TMEM132D: variants seen among roughly 807,000 people sequenced by gnomAD.
The protein encoded by TMEM132D is transmembrane protein 132D, also known as mature OL transmembrane protein.
Under a neutral mutation model 62.3 loss-of-function variants are expected in TMEM132D, and 21 were observed. The ratio of observed to expected loss-of-function variants is 0.34; its 90% CI spans 0.24 to 0.49. TMEM132D has a LOEUF of 0.49. Among genes scored for constraint, TMEM132D ranks in the 20% least tolerant of loss-of-function variants. TMEM132D has a pLI of 0.99. For missense variants in TMEM132D, 1,346 were observed against 1,402.8 expected (o/e 0.96, Z 0.65); for synonymous variants, 621 against 575.6 (o/e 1.08, Z -1.13).
intron 3 of TMEM132D, among the ~76,000 whole-genome samples, chr12:129,515,944 G>A (rs1302927072): frequency 6.6e-6 from 1 of 152,050 alleles, no homozygotes; most frequent in East Asian, 1.9e-4. Flanking sequence ...TTTTTTCATA[G>A]GGGTGTCAGC....
chr12:129,397,162 T>G (rs970836253), intron 3 of TMEM132D, among the ~76,000 whole-genome samples: 1 of 152,230 alleles, frequency 6.6e-6, no homozygotes, highest in Non-Finnish European at 1.5e-5. Flanking sequence ...GCCCATTTTC[T>G]ACCTTCAACA....
At chr12:129,276,369 T>G (rs1881008630) in intron 4 of TMEM132D, among the ~76,000 whole-genome samples, 1 of 152,198 alleles carries the variant, frequency 6.6e-6, no homozygotes, top group Admixed American at 6.5e-5. Context: ...GTGCCAATTT[T>G]TTTCTCAGAT....
At chr12:129,218,691 A>G (rs1017873783) in intron 4 of TMEM132D, among the ~76,000 whole-genome samples, 2 of 152,234 alleles carry the variant, frequency 1.3e-5, no homozygotes, top group Non-Finnish European at 2.9e-5. Flanking sequence ...TTGAGGTTTC[A>G]TTCTAAACTG....
chr12:129,681,873 C>T (rs543823310), intron 2 of TMEM132D, among the ~76,000 whole-genome samples: 1 of 152,202 alleles, frequency 6.6e-6, no homozygotes, highest in South Asian at 2.1e-4. Context: ...ATCTGTCTCA[C>T]TATTTAGCTG....
intron 3 of TMEM132D, among the ~76,000 whole-genome samples, chr12:129,472,808 G>A (rs1031394029): frequency 2.0e-5 from 3 of 152,242 alleles, no homozygotes; most frequent in East Asian, 1.9e-4. Context: ...CACATGCTAC[G>A]GAGAAATCTT....
chr12:129,690,811 G>T (rs1881045420), intron 2 of TMEM132D, among the ~76,000 whole-genome samples: 1 of 152,156 alleles, frequency 6.6e-6, no homozygotes, highest in African/African-American at 2.4e-5. Context: ...CAGTAAGGAT[G>T]TAGATGACCT....
chr12:129,374,990 AT>A (rs1195567438), intron 3 of TMEM132D, among the ~76,000 whole-genome samples: 1 of 152,130 alleles, frequency 6.6e-6, no homozygotes, highest in African/African-American at 2.4e-5. Flanking sequence ...ACCGGGGCAC[AT>A]TTCTCAGGGA....
chr12:129,271,567 C>G (rs936032923), intron 4 of TMEM132D, among the ~76,000 whole-genome samples: 1 of 151,492 alleles, frequency 6.6e-6, no homozygotes, highest in African/African-American at 2.4e-5. Flanking sequence ...CCTTGCCCCC[C>G]ACCCCCTAAC....
intron 1 of TMEM132D, among the ~76,000 whole-genome samples, chr12:129,799,136 G>A (rs1288871122): frequency 6.6e-6 from 1 of 151,846 alleles, no homozygotes; most frequent in African/African-American, 2.4e-5. Context: ...GTGGTGGCAG[G>A]CGCCTGTAAT....
At chr12:129,689,558 C>T (rs1881013824) in intron 2 of TMEM132D, among the ~76,000 whole-genome samples, 2 of 152,174 alleles carry the variant, frequency 1.3e-5, no homozygotes, top group Admixed American at 1.3e-4. Flanking sequence ...ACATTTCACA[C>T]AACACTCCCT....
At chr12:129,207,339 C>A (rs138563031) in intron 5 of TMEM132D, among the ~76,000 whole-genome samples, 1 of 150,828 alleles carries the variant, frequency 6.6e-6, no homozygotes, top group Non-Finnish European at 1.5e-5. Flanking sequence ...TAGGTTCCAA[C>A]GAGGACAGTC....
chr12:129,802,455 G>A (rs1433283498), intron 1 of TMEM132D, among the ~76,000 whole-genome samples: 1 of 104,276 alleles, frequency 9.6e-6, no homozygotes, highest in African/African-American at 3.6e-5. Flanking sequence ...ATAAGTGAAG[G>A]AGAAATAAAA....
intron 5 of TMEM132D, among the ~76,000 whole-genome samples, chr12:129,148,486 C>T (rs1876976420): frequency 1.3e-5 from 2 of 152,032 alleles, no homozygotes; most frequent in South Asian, 2.1e-4. Context: ...TGGGAGGTGC[C>T]ATGAGCCAAA....
At position 129,194,805 on chromosome 12, in the gene TMEM132D, G is replaced by C. The variant is rs577253674; in HGVS notation, c.1443+14715C>G. Among the ~76,000 whole-genome samples, 5 of 152,292 alleles carry C rather than the reference G, an allele frequency of 3.3e-5. No individual in the cohort carries two copies. In the South Asian group the frequency reaches 1.0e-3, roughly 32 times the overall value. On this transcript the variant is annotated intron_variant, in intron 5 of 8. Coordinates refer to ENST00000422113, the MANE Select transcript of TMEM132D (RefSeq NM_133448.3). ...TATCCAAATGAAGAAAATGTTCAGA[G>C]TTGTTTCTATGTTTTTTTCTACTGA...
intron 1 of TMEM132D, among the ~76,000 whole-genome samples, chr12:129,873,201 A>C (rs1019104639): frequency 1.5e-4 from 23 of 152,192 alleles, no homozygotes; most frequent in African/African-American, 5.1e-4. Context: ...ATCGCATCAG[A>C]CATATGCAGC....
intron 2 of TMEM132D, among the ~76,000 whole-genome samples, chr12:129,669,741 C>T (rs10847920): frequency 9.8e-5 from 1 of 10,182 alleles, no homozygotes; most frequent in African/African-American, 2.0e-4. Context: ...AATAAATAAA[C>T]AAACAAACAA....
Position 129,657,506 on chromosome 12 carries a change from T to C in TMEM132D, c.968+42304A>G, listed in dbSNP as rs116457645. On this transcript the variant is annotated intron_variant, in intron 2 of 8. Transcript: ENST00000422113. ...TCAAGAAGGAAATAAACAAAGTCTC[T>C]AAGCAGCCCCTTAACCGTCAGTCAA... 3.2e-3 allele frequency among the ~76,000 whole-genome samples: 490 copies of C among 152,342 alleles called. 4 individuals are homozygous for C. Among genetic ancestry groups the C allele is most frequent in the African/African-American group, 0.011 (467 of 41,584 alleles).
At chr12:129,615,502 G>A (rs1480416599) in intron 2 of TMEM132D, among the ~76,000 whole-genome samples, 5 of 150,650 alleles carry the variant, frequency 3.3e-5, no homozygotes, top group African/African-American at 4.9e-5. Flanking sequence ...TGTAATCCCA[G>A]CACTTTGGGA....
At chr12:129,889,033 C>G (rs1418108106) in intron 1 of TMEM132D, among the ~76,000 whole-genome samples, 1 of 152,102 alleles carries the variant, frequency 6.6e-6, no homozygotes, top group Non-Finnish European at 1.5e-5. Flanking sequence ...AACGTTCTTT[C>G]TTTTTACTAA....
Sources: gnomAD v4.1 joint callset for allele counts (sites outside exome capture counted in the v4.1 genomes callset) on GRCh38, gnomAD v4.1.1 for gene constraint, MANE v1.5 for transcripts, NCBI Gene and HGNC (gene_info 2026-07-23, HGNC 2026-07-21) for gene names.